LRRC4B: variants seen among roughly 807,000 people sequenced by gnomAD.
LRRC4B encodes leucine rich repeat containing 4B.
Under a neutral mutation model 7.3 loss-of-function variants are expected in LRRC4B, and 1 was observed. That is an observed-to-expected ratio of 0.14 (90% confidence interval 0.05 to 0.65). LRRC4B has a LOEUF of 0.65. Ranked by LOEUF, LRRC4B falls within the 30% of genes least tolerant of loss-of-function variation. The pLI is 0.84. For synonymous variants in LRRC4B, 500 were observed against 499.2 expected, an observed-to-expected ratio of 1.00 and a Z score of -0.02; for missense variants, 730 against 1,041.6, an observed-to-expected ratio of 0.70 and a Z score of 4.12.
At chr19:50,554,560 T>C (rs557075164) in intron 1 of LRRC4B, among the ~76,000 whole-genome samples, 2 of 152,298 alleles carry the variant, frequency 1.3e-5, no homozygotes, top group South Asian at 4.1e-4. Context: ...TGTCCCCAGA[T>C]AGAGCCCTCT....
At chr19:50,564,686 C>G (rs1025892455) in intron 1 of LRRC4B, among the ~76,000 whole-genome samples, 1 of 151,918 alleles carries the variant, frequency 6.6e-6, no homozygotes, top group South Asian at 2.1e-4. Context: ...GGTGACACCT[C>G]GAGACAGATG....
chr19:50,545,408 C>CAAAAAAAA (rs58857784), intron 2 of LRRC4B, among the ~76,000 whole-genome samples: 1 of 78,748 alleles, frequency 1.3e-5, no homozygotes. Context: ...AACTCCATCT[C>CAAAAAAAA]AAAAAAAAAA....
At chr19:50,531,237 C>T (rs1981046848) in intron 2 of LRRC4B, among the ~76,000 whole-genome samples, 1 of 152,248 alleles carries the variant, frequency 6.6e-6, no homozygotes, top group Non-Finnish European at 1.5e-5. Flanking sequence ...CATCACACGT[C>T]ATTTCAGAGA....
intron 1 of LRRC4B, among the ~76,000 whole-genome samples, chr19:50,564,668 G>A (rs1982569799): frequency 6.6e-6 from 1 of 152,086 alleles, no homozygotes; most frequent in Admixed American, 6.5e-5. Flanking sequence ...ACAGAGACAG[G>A]AGGTCCAGGT....
intron 2 of LRRC4B, among the ~76,000 whole-genome samples, chr19:50,533,743 C>T (rs560932802): frequency 1.9e-4 from 29 of 152,308 alleles, no homozygotes; most frequent in African/African-American, 6.0e-4. Context: ...GAGGTATGAT[C>T]TCATTTAATC....
chr19:50,567,693 T>G, intron 1 of LRRC4B, among the ~76,000 whole-genome samples: 1 of 68,916 alleles, frequency 1.5e-5, no homozygotes, highest in African/African-American at 6.0e-5. Context: ...CCACAACCTG[T>G]CCCCAGGCAG....
At chr19:50,529,360 T>A (rs1980953493) in intron 2 of LRRC4B, among the ~76,000 whole-genome samples, 1 of 152,152 alleles carries the variant, frequency 6.6e-6, no homozygotes, top group African/African-American at 2.4e-5. Context: ...ACGCAGCTTA[T>A]CACCTCCCTG....
intron 2 of LRRC4B, among the ~76,000 whole-genome samples, chr19:50,526,750 G>A (rs1179427077): frequency 1.3e-5 from 2 of 151,964 alleles, no homozygotes; most frequent in African/African-American, 4.8e-5. Flanking sequence ...AATAAAAATT[G>A]GCCAAAATAC....
chr19:50,521,924 C>T (rs1980598701), intron 2 of LRRC4B, among the ~76,000 whole-genome samples: 1 of 151,992 alleles, frequency 6.6e-6, no homozygotes, highest in African/African-American at 2.4e-5. Flanking sequence ...AGCAGTAATC[C>T]CAGCACTTTG....
intron 1 of LRRC4B, among the ~76,000 whole-genome samples, chr19:50,558,326 G>T (rs1392913746): frequency 6.6e-6 from 1 of 152,010 alleles, no homozygotes; most frequent in Non-Finnish European, 1.5e-5. Context: ...CACCTCCCAG[G>T]CCCAGGTGAT....
Position 50,568,346 on chromosome 19 carries a change from C to G in LRRC4B, c.-438G>C, listed in dbSNP as rs1343514855. On this transcript the variant is annotated 5_prime_UTR_variant, in exon 1 of 3. Transcript: ENST00000652263. ...GCTCTCCCCCCACCCCACCCCCCCC[C>G]AGGCCCCGGCCCCGGCCCCGGCCCC... Among the ~76,000 whole-genome samples the G allele has an allele frequency of 5.2e-5, 7 of 134,962 alleles. No homozygotes were observed. The highest frequency in any genetic ancestry group is 1.6e-5 in the Non-Finnish European group (1 of 63,446). The allele number at this position is 134,962 out of a possible 152,430, so 88.5% of individuals were successfully genotyped here.
At chr19:50,523,848 A>G (rs1601373737) in intron 2 of LRRC4B, among the ~76,000 whole-genome samples, 1 of 149,542 alleles carries the variant, frequency 6.7e-6, no homozygotes, top group Non-Finnish European at 1.5e-5. Context: ...AATCCCAGCT[A>G]CTTGGGAGGC....
At chr19:50,567,641 C>G (rs1982675137) in intron 1 of LRRC4B, among the ~76,000 whole-genome samples, 1 of 151,180 alleles carries the variant, frequency 6.6e-6, no homozygotes, top group Non-Finnish European at 1.5e-5. Flanking sequence ...CCTACTTCCT[C>G]AGCCCCACAG....
intron 1 of LRRC4B, among the ~76,000 whole-genome samples, chr19:50,552,043 C>T (rs757525981): frequency 1.4e-4 from 22 of 152,084 alleles, no homozygotes; most frequent in Non-Finnish European, 2.9e-4. Flanking sequence ...CGAGGAAGGT[C>T]GGGGGAAGCG....
chr19:50,518,200 G>T lies in LRRC4B; in HGVS notation c.1513C>A (p.Gln505Lys). 6.2e-7 allele frequency: 1 copy of T among 1,608,808 alleles called. No homozygotes were observed. Residue 505 changes from glutamine to lysine, a missense_variant, in exon 3 of 3, where the codon CAG becomes AAG. Around this residue, in one of 6 missense-constraint regions of LRRC4B, gnomAD observed 192 missense variants for 228.6 expected, o/e 0.84. Coordinates refer to ENST00000652263, the MANE Select transcript of LRRC4B (RefSeq NM_001080457.2). The part of the protein sequence containing the change: ...LETQPGEEAL[Q>K]PRGTEKEPPG... ...GGTTCCTTCTCCGTCCCCCGCGGCT[G>T]CAGGGCCTCCTCTCCGGGCTGCGTC...
intron 2 of LRRC4B, among the ~76,000 whole-genome samples, chr19:50,528,602 C>A (rs1980920531): frequency 6.6e-6 from 1 of 152,238 alleles, no homozygotes; most frequent in Admixed American, 6.5e-5. Context: ...GCCTTGCCCT[C>A]CCAAAGTGCT....
At chr19:50,541,079 G>C (rs998030251) in intron 2 of LRRC4B, among the ~76,000 whole-genome samples, 5 of 151,880 alleles carry the variant, frequency 3.3e-5, no homozygotes, top group African/African-American at 1.2e-4. Context: ...AGCTACTCGG[G>C]AGGCTGAAGC....
chr19:50,525,981 T>C (rs1862478), intron 2 of LRRC4B, among the ~76,000 whole-genome samples: 42,121 of 152,000 alleles, frequency 0.28, 6,235 homozygotes, highest in Middle Eastern at 0.35. Context: ...GATAACGCCA[T>C]TGTACTCCAG....
intron 2 of LRRC4B, among the ~76,000 whole-genome samples, chr19:50,522,409 C>A (rs1980618938): frequency 6.6e-6 from 1 of 152,068 alleles, no homozygotes; most frequent in East Asian, 1.9e-4. Flanking sequence ...GACACCAAAT[C>A]CCACTTGGTG....
Sources: allele counts gnomAD v4.1 joint callset (sites outside exome capture counted in the v4.1 genomes callset), GRCh38; gene constraint gnomAD v4.1.1; regional missense constraint gnomAD v4.1.1; transcripts MANE v1.5; gene names NCBI Gene and HGNC (gene_info 2026-07-23, HGNC 2026-07-21).